CYB5A: variants seen among roughly 807,000 people sequenced by gnomAD.
CYB5A encodes cytochrome b5.
In CYB5A, 10 loss-of-function variants were observed where a neutral mutation model predicts 16.2. That is an observed-to-expected ratio of 0.62 (90% CI 0.38 to 1.04). The LOEUF (loss-of-function observed/expected upper bound fraction) is 1.04, where lower values mean the gene tolerates loss of function less well. Ranked by LOEUF, CYB5A falls within the 50% of genes least tolerant of loss-of-function variation. CYB5A has a pLI of 0.01. For synonymous variants in CYB5A, 62 were observed against 57.0 expected (o/e 1.09, Z -0.40); for missense variants, 161 against 165.9 (o/e 0.97, Z 0.16).
chr18:74,268,437 G>A (rs1048348290), intron 1 of CYB5A, among the ~76,000 whole-genome samples: 9 of 152,196 alleles, frequency 5.9e-5, no homozygotes, highest in Non-Finnish European at 1.2e-4. Context: ...CAGGCCGTGT[G>A]CTGCTTTTGC....
At chr18:74,275,259 A>T (rs1226003958) in intron 1 of CYB5A, among the ~76,000 whole-genome samples, 1 of 152,148 alleles carries the variant, frequency 6.6e-6, no homozygotes, top group African/African-American at 2.4e-5. Flanking sequence ...CAACAAAGAA[A>T]GATGTTACAG....
At chr18:74,277,367 T>C (rs1392818190) in intron 1 of CYB5A, among the ~76,000 whole-genome samples, 1 of 152,202 alleles carries the variant, frequency 6.6e-6, no homozygotes, top group African/African-American at 2.4e-5. Flanking sequence ...CCTCTCACTG[T>C]ATCCCCATAA....
Position 74,280,881 on chromosome 18 carries a change from G to C in CYB5A, c.129+10866C>G, listed in dbSNP as rs867907832. On this transcript the variant is annotated intron_variant, in intron 1 of 4. Coordinates refer to ENST00000340533, the MANE Select transcript of CYB5A (RefSeq NM_148923.4). ...CCTGACAACTGCAGCCATATCCTAA[G>C]TCTTAAAATGGGGCAGTGTAATCAG... 5.9e-5 allele frequency among the ~76,000 whole-genome samples: 9 copies of C among 152,288 alleles called. No individual in the cohort carries two copies. In the South Asian group the frequency reaches 1.0e-3, roughly 18 times the overall value.
chr18:74,265,263 A>C (rs1982388836), intron 1 of CYB5A, among the ~76,000 whole-genome samples: 1 of 152,174 alleles, frequency 6.6e-6, no homozygotes, highest in South Asian at 2.1e-4. Context: ...AAAACTGGGA[A>C]GCACAAAGAA....
At position 74,284,062 on chromosome 18, in the gene CYB5A, A is replaced by C. The variant is rs999058810; in HGVS notation, c.129+7685T>G. On this transcript the variant is annotated intron_variant, in intron 1 of 4. Transcript: ENST00000340533. ...AACCTGACCAACATGGTGAAACCTC[A>C]TCTCTAATGAAAATACAAAATTAGT... Among the ~76,000 whole-genome samples the C allele has an allele frequency of 2.7e-4, 41 of 152,214 alleles. 1 individual carries two copies. Among genetic ancestry groups the C allele is most frequent in the African/African-American group, 9.6e-4 (40 of 41,512 alleles).
chr18:74,252,741 G>A lies in CYB5A; in HGVS notation c.*843C>T, dbSNP rs117705073. 1 of 151,822 alleles carries A rather than the reference G, an allele frequency of 6.6e-6. No homozygotes were observed. The highest frequency in any genetic ancestry group is 1.5e-5 in the Non-Finnish European group (1 of 68,018). 9.4% of individuals were successfully genotyped at this position (151,822 alleles called of 1,614,324 possible). ...TTTTTTGAGACAGAGTTTCACTCTTGTTGCCCAGCTGGAGTTCAACGGCGC... is the reference window on the plus strand; with the variant it reads ...TTTTTTGAGACAGAGTTTCACTCTTATTGCCCAGCTGGAGTTCAACGGCGC... On this transcript the variant is annotated 3_prime_UTR_variant, in exon 5 of 5. Coordinates refer to ENST00000340533, the MANE Select transcript of CYB5A (RefSeq NM_148923.4).
At chr18:74,278,957 G>A (rs1184054806) in intron 1 of CYB5A, among the ~76,000 whole-genome samples, 4 of 152,176 alleles carry the variant, frequency 2.6e-5, no homozygotes, top group African/African-American at 9.7e-5. Flanking sequence ...TCTCTGAAGA[G>A]TACATAAGCC....
At position 74,251,274 on chromosome 18, in the gene CYB5A, G is replaced by A. The variant is rs1465328595; in HGVS notation, c.*2310C>T. ...AATGACATGTACCCAAGGTGGTCAG[G>A]GCACAGCTTGGTTTTATGCATTTTA... On this transcript the variant is annotated 3_prime_UTR_variant, in exon 5 of 5. Coordinates refer to ENST00000340533, the MANE Select transcript of CYB5A (RefSeq NM_148923.4). 1.3e-5 allele frequency: 2 copies of A among 152,356 alleles called. No homozygotes were observed. The highest frequency in any genetic ancestry group is 2.9e-5 in the Non-Finnish European group (2 of 68,104). 9.4% of individuals were successfully genotyped at this position (152,356 alleles called of 1,614,324 possible). A position where few individuals can be genotyped will look rare whatever the true frequency, so the allele number is the denominator to read the frequency against.
Position 74,255,700 on chromosome 18 carries a change from C to G in CYB5A, c.323+41G>C, listed in dbSNP as rs570743859. ...CCTTGTCCAACCTGGACCCATGAGC[C>G]CTCCCACCCACTACTGCTTTAAAAG... is the stretch of plus-strand genomic sequence containing the variant. On this transcript the variant is annotated intron_variant, in intron 4 of 4. Coordinates refer to ENST00000340533, the MANE Select transcript of CYB5A (RefSeq NM_148923.4). 131 of 1,571,050 alleles carry G rather than the reference C, an allele frequency of 8.3e-5. No individual in the cohort carries two copies. In the East Asian group the frequency reaches 2.7e-3, roughly 32 times the overall value.
rs1803366 is a variant in CYB5A, at chr18:74,263,452, C to T, written c.155G>A (p.Arg52Lys). The T allele has an allele frequency of 6.2e-7, 1 of 1,614,120 alleles. No homozygotes were observed. The highest frequency in any genetic ancestry group is 1.3e-5 in the African/African-American group (1 of 75,030). ...AGTAGCGTCACCTCCAGCTTGTTCC[C>T]TTAAAACTTCTTCCCCACCAGGATG... Reference protein sequence around the residue: ...EEHPGGEEVLREQAGGDATEN... With the variant: ...EEHPGGEEVLKEQAGGDATEN... Residue 52 changes from arginine to lysine, a missense_variant, in exon 2 of 5, where the codon AGG becomes AAG. Physicochemically the swap from Arg to Lys is conservative, Grantham distance 26. Transcript: ENST00000340533.
intron 1 of CYB5A, among the ~76,000 whole-genome samples, chr18:74,269,304 G>A (rs1346370824): frequency 6.6e-6 from 1 of 152,090 alleles, no homozygotes; most frequent in East Asian, 1.9e-4. Flanking sequence ...AACAGGCTGC[G>A]CTTGTGTTCA....
chr18:74,255,281 C>G (rs535636191), intron 4 of CYB5A, among the ~76,000 whole-genome samples: 25 of 152,238 alleles, frequency 1.6e-4, no homozygotes, highest in African/African-American at 5.8e-4. Flanking sequence ...GTGCCTAGAA[C>G]AATTGAGTCG....
intron 1 of CYB5A, among the ~76,000 whole-genome samples, chr18:74,271,424 C>T (rs182335914): frequency 1.4e-4 from 21 of 152,268 alleles, no homozygotes; most frequent in Admixed American, 7.2e-4. Flanking sequence ...ATAGCTACCA[C>T]GGGTACCTCT....
chr18:74,261,007 A>G, intron 2 of CYB5A, 63 bp from the exon 3 acceptor site: 1 of 1,278,866 alleles, frequency 7.8e-7, no homozygotes, highest in African/African-American at 1.5e-5. Flanking sequence ...CACTTCCAAA[A>G]TGCTGACTTT....
intron 3 of CYB5A, chr18:74,256,695 A>G: frequency 1.2e-6 from 1 of 816,414 alleles, no homozygotes; most frequent in Non-Finnish European, 2.0e-6. Flanking sequence ...AAGCAAAGAT[A>G]AAAAGCATTA....
In CYB5A at chr18:74,253,652, A is replaced by G; in HGVS notation, c.337T>C (p.Trp113Arg). ...IDSSSSWWTN[W>R]VIPAISAVAV... is the part of the protein sequence containing the mutation. Reference sequence around the variant, plus strand: ...ACTGCAGAGATGGCAGGGATCACCCAGTTGGTCCACCAACTAGAAAGACAC... The same window carrying G: ...ACTGCAGAGATGGCAGGGATCACCCGGTTGGTCCACCAACTAGAAAGACAC... Residue 113 changes from tryptophan (W) to arginine (R), a missense_variant, in exon 5 of 5, where the codon TGG becomes CGG. Transcript: ENST00000340533. 6.2e-7 allele frequency: 1 copy of G among 1,612,992 alleles called. No homozygotes were observed. Among genetic ancestry groups the G allele is most frequent in the Non-Finnish European group, 8.5e-7 (1 of 1,179,136 alleles).
chr18:74,279,014 C>T (rs1982986764), intron 1 of CYB5A, among the ~76,000 whole-genome samples: 1 of 152,194 alleles, frequency 6.6e-6, no homozygotes, highest in Non-Finnish European at 1.5e-5. Flanking sequence ...GGACCAGGGA[C>T]AGGCCTGCTT....
At chr18:74,272,132 C>G (rs1272288673) in intron 1 of CYB5A, among the ~76,000 whole-genome samples, 2 of 152,208 alleles carry the variant, frequency 1.3e-5, no homozygotes, top group African/African-American at 2.4e-5. Flanking sequence ...TGGACATGCT[C>G]ACAGACACGT....
rs934078227 is a variant in CYB5A at position 74,253,464 on chromosome 18, G to C, written c.*120C>G. The stretch of plus-strand genomic sequence containing the variant: ...TTTCTAATGTCGGAAGAAAAAGAAA[G>C]AGATATATTAAAATCATTGTTTTCA... On this transcript the variant is annotated 3_prime_UTR_variant, in exon 5 of 5. Transcript: ENST00000340533. The C allele has an allele frequency of 1.0e-5, 7 of 673,614 alleles. No homozygotes were observed. The highest frequency in any genetic ancestry group is 7.2e-5 in the African/African-American group (4 of 55,246). 41.7% of individuals were successfully genotyped at this position (673,614 alleles called of 1,614,324 possible). A position where few individuals can be genotyped will look rare whatever the true frequency, so the allele number is the denominator to read the frequency against.
Sources: gnomAD v4.1 joint callset for allele counts (sites outside exome capture counted in the v4.1 genomes callset) on GRCh38, gnomAD v4.1.1 for gene constraint, MANE v1.5 for transcripts, NCBI Gene and HGNC (gene_info 2026-07-23, HGNC 2026-07-21) for gene names.